Variants in OXR1 observed in about 807,000 individuals in gnomAD.
OXR1 encodes the protein oxidation resistance 1.
OXR1 carries 41 observed loss-of-function variants against 104.6 expected under a neutral mutation model. The ratio of observed to expected loss-of-function variants is 0.39; its 90% CI spans 0.31 to 0.51. The LOEUF is 0.51. Among genes scored for constraint, OXR1 ranks in the 20% least tolerant of loss-of-function variants. The pLI is 0.77. For missense variants in OXR1, 955 were observed against 1,031.9 expected (o/e 0.93, Z 1.02); for synonymous variants, 348 against 348.4 (o/e 1.00, Z 0.01).
intron 1 of OXR1, among the ~76,000 whole-genome samples, chr8:106,286,772 T>C (rs1015743140): frequency 1.3e-5 from 2 of 152,220 alleles, no homozygotes; most frequent in Non-Finnish European, 2.9e-5. Flanking sequence ...AATTTGCTTT[T>C]AGCATGAGGT....
chr8:106,650,080 C>T (rs1001496074), intron 3 of OXR1, among the ~76,000 whole-genome samples: 26 of 152,156 alleles, frequency 1.7e-4, no homozygotes, highest in Non-Finnish European at 3.4e-4. Flanking sequence ...TTATTTCTTG[C>T]GTTGAACTTC....
intron 2 of OXR1, among the ~76,000 whole-genome samples, chr8:106,416,388 G>A (rs1012874377): frequency 1.9e-4 from 29 of 152,124 alleles, no homozygotes; most frequent in African/African-American, 6.0e-4. Flanking sequence ...TGACAAAGGG[G>A]TCAATTGCTG....
At chr8:106,424,515 A>G (rs532357697) in intron 2 of OXR1, among the ~76,000 whole-genome samples, 3 of 152,116 alleles carry the variant, frequency 2.0e-5, no homozygotes, top group Non-Finnish European at 4.4e-5. Context: ...TCTATTATGT[A>G]TTTAACCAGT....
chr8:106,671,004 C>G (rs997760635), intron 3 of OXR1, among the ~76,000 whole-genome samples: 2 of 138,252 alleles, frequency 1.4e-5, no homozygotes, highest in African/African-American at 5.9e-5. Flanking sequence ...AAAATTGCAC[C>G]TCTGCACTCC....
chr8:106,627,108 G>A (rs1216783493), intron 3 of OXR1, among the ~76,000 whole-genome samples: 2 of 152,088 alleles, frequency 1.3e-5, no homozygotes, highest in Non-Finnish European at 2.9e-5. Flanking sequence ...AGCAAAATTG[G>A]ATTGGAAGCA....
At chr8:106,439,469 AAC>A (rs1165011702) in intron 2 of OXR1, among the ~76,000 whole-genome samples, 10 of 152,088 alleles carry the variant, frequency 6.6e-5, no homozygotes, top group South Asian at 2.1e-4. Flanking sequence ...CCCAAAATAA[AAC>A]AGTTGTTTTA....
At chr8:106,516,567 TTCATTAAATGTCACTCTACTCTG>T (rs1812875582) in intron 2 of OXR1, among the ~76,000 whole-genome samples, 1 of 152,156 alleles carries the variant, frequency 6.6e-6, no homozygotes, top group Non-Finnish European at 1.5e-5. Flanking sequence ...AAAAGGGTTG[TTCATTAAATGTCACTCTACTCTG>T]TCAGTTTCTA....
chr8:106,571,262 CAG>C (rs1314957737), intron 3 of OXR1, among the ~76,000 whole-genome samples: 1 of 151,968 alleles, frequency 6.6e-6, no homozygotes, highest in Non-Finnish European at 1.5e-5. Context: ...GTCTGGAAAT[CAG>C]AGATCAGGGT....
At chr8:106,685,922 A>G (rs1828670430) in intron 6 of OXR1, among the ~76,000 whole-genome samples, 1 of 152,188 alleles carries the variant, frequency 6.6e-6, no homozygotes, top group African/African-American at 2.4e-5. Context: ...TGGTATATAT[A>G]TACCGTGGAA....
intron 1 of OXR1, among the ~76,000 whole-genome samples, chr8:106,285,050 G>A (rs1018419450): frequency 1.3e-5 from 2 of 152,082 alleles, no homozygotes; most frequent in East Asian, 1.9e-4. Context: ...CATGTGCCAT[G>A]TTGGTGTGCT....
intron 3 of OXR1, among the ~76,000 whole-genome samples, chr8:106,548,054 T>C (rs929614627): frequency 5.3e-5 from 8 of 152,304 alleles, no homozygotes; most frequent in African/African-American, 1.7e-4. Flanking sequence ...ACATATTGTT[T>C]CTCATGGTGG....
intron 3 of OXR1, among the ~76,000 whole-genome samples, chr8:106,641,617 A>G (rs773906805): frequency 6.6e-6 from 1 of 152,334 alleles, no homozygotes; most frequent in East Asian, 1.9e-4. Context: ...ATACCCAAAA[A>G]ATCAAACTCT....
At chr8:106,498,013 T>G (rs1451652335) in intron 2 of OXR1, among the ~76,000 whole-genome samples, 1 of 152,204 alleles carries the variant, frequency 6.6e-6, no homozygotes, top group African/African-American at 2.4e-5. Context: ...TCAAATGTAC[T>G]GTCTCATCTC....
intron 3 of OXR1, among the ~76,000 whole-genome samples, chr8:106,637,928 C>A (rs1245189203): frequency 6.6e-6 from 1 of 151,710 alleles, no homozygotes; most frequent in Non-Finnish European, 1.5e-5. Context: ...TGCCCGGCTA[C>A]TTTTTTGTAT....
intron 1 of OXR1, among the ~76,000 whole-genome samples, chr8:106,290,777 T>C (rs1370538694): frequency 2.6e-5 from 4 of 152,258 alleles, no homozygotes; most frequent in Non-Finnish European, 4.4e-5. Flanking sequence ...ATGGCTATTA[T>C]TAAAGTCAAA....
chr8:106,710,272 A>T (rs771859902), intron 9 of OXR1, among the ~76,000 whole-genome samples: 44 of 151,788 alleles, frequency 2.9e-4, no homozygotes, highest in Non-Finnish European at 5.9e-4. Context: ...AGACTGATAG[A>T]GAATATGTAG....
At chr8:106,338,697 T>A (rs1815068890) in intron 1 of OXR1, among the ~76,000 whole-genome samples, 1 of 152,184 alleles carries the variant, frequency 6.6e-6, no homozygotes, top group Middle Eastern at 3.2e-3. Context: ...GGCTACTTGA[T>A]TCATGTGTCT....
chr8:106,374,178 A>G (rs1289788512), intron 2 of OXR1, among the ~76,000 whole-genome samples: 1 of 152,194 alleles, frequency 6.6e-6, no homozygotes, highest in Non-Finnish European at 1.5e-5. Flanking sequence ...ACACACATAG[A>G]TCACTGCCTA....
chr8:106,459,701 G>A (rs900180658), intron 2 of OXR1, among the ~76,000 whole-genome samples: 17 of 152,112 alleles, frequency 1.1e-4, no homozygotes, highest in African/African-American at 3.9e-4. Context: ...AAAAGCCCAG[G>A]ACATAGCATA....
Sources: allele counts gnomAD v4.1 joint callset (sites outside exome capture counted in the v4.1 genomes callset), GRCh38; gene constraint gnomAD v4.1.1; transcripts MANE v1.5; gene names NCBI Gene and HGNC (gene_info 2026-07-23, HGNC 2026-07-21).